NRF1: variants seen among roughly 807,000 people sequenced by gnomAD.
NRF1 encodes the protein alpha palindromic-binding protein.
A neutral mutation model predicts 58.5 loss-of-function variants in NRF1; 5 were observed. That is an observed-to-expected ratio of 0.09 (90% CI 0.04 to 0.18). The LOEUF is 0.18. Ranked by LOEUF, NRF1 falls within the 10% of genes least tolerant of loss-of-function variation. NRF1 has a pLI of 1.00. For synonymous variants in NRF1, 224 were observed against 246.7 expected (o/e 0.91, Z 0.86); for missense variants, 288 against 657.7 (o/e 0.44, Z 6.15).
At chr7:129,711,336 A>G (rs761083639) in intron 7 of NRF1, 139 bp from the exon 8 acceptor site, 15 of 589,692 alleles carry the variant, frequency 2.5e-5, no homozygotes, top group Middle Eastern at 5.5e-4. Flanking sequence ...TTAGTGAGCT[A>G]TGATTTTAGA....
chr7:129,739,003 C>T (rs974782226), intron 10 of NRF1, among the ~76,000 whole-genome samples: 2 of 152,148 alleles, frequency 1.3e-5, no homozygotes, highest in African/African-American at 4.8e-5. Context: ...TGTGGTGACT[C>T]CTTTGCAGGA....
intron 1 of NRF1, among the ~76,000 whole-genome samples, chr7:129,625,195 G>C (rs570883290): frequency 2.2e-4 from 33 of 152,204 alleles, no homozygotes; most frequent in African/African-American, 7.2e-4. Flanking sequence ...TCTCCTCTCC[G>C]TGTAATCTCT....
rs544148260 is a variant in NRF1, at chr7:129,692,997, C to T, written c.606+2451C>T. Among the ~76,000 whole-genome samples the T allele has an allele frequency of 2.0e-5, 3 of 152,298 alleles. No individual in the cohort carries two copies. In the South Asian group the frequency reaches 6.2e-4, roughly 32 times the overall value. ...CTTGTCTGTATAACACTTGTTACTA[C>T]CTGGAATTGTCTCATTTATTAACTT... On this transcript the variant is annotated intron_variant, in intron 5 of 10. Transcript: ENST00000393232.
chr7:129,738,578 G>C (rs1803775491), intron 10 of NRF1, among the ~76,000 whole-genome samples: 1 of 152,128 alleles, frequency 6.6e-6, no homozygotes. Flanking sequence ...TTGCCTTTTG[G>C]CTATACACAT....
intron 5 of NRF1, among the ~76,000 whole-genome samples, chr7:129,706,284 A>G (rs768508802): frequency 6.6e-6 from 1 of 152,186 alleles, no homozygotes; most frequent in African/African-American, 2.4e-5. Flanking sequence ...CATTGGAGCT[A>G]TGTAGGTAAC....
At position 129,690,510 on chromosome 7, in the gene NRF1, C is replaced by T. The variant is rs1404507480; in HGVS notation, c.570C>T (p.Ile190=). 4.3e-6 allele frequency: 7 copies of T among 1,614,174 alleles called. No homozygotes were observed. The highest frequency in any genetic ancestry group is 1.7e-5 in the Admixed American group (1 of 60,022). Residue 190 remains isoleucine, a synonymous_variant, in exon 5 of 11, where the codon ATC becomes ATT. Coordinates refer to ENST00000393232, the MANE Select transcript of NRF1 (RefSeq NM_005011.5). ...EVNSELPPLT[I]DGIPVSVDKM... ...ACTCAGAACTGCCGCCTCTCACCAT[C>T]GACGGAATTCCAGTCTCTGTGGACA...
intron 10 of NRF1, among the ~76,000 whole-genome samples, chr7:129,749,697 T>G (rs902496581): frequency 1.3e-5 from 2 of 152,036 alleles, no homozygotes; most frequent in African/African-American, 4.8e-5. Flanking sequence ...CTGGCCCTGG[T>G]GTTAAGTGTT....
At chr7:129,646,920 T>C (rs1801418669) in intron 1 of NRF1, among the ~76,000 whole-genome samples, 1 of 152,176 alleles carries the variant, frequency 6.6e-6, no homozygotes, top group Non-Finnish European at 1.5e-5. Flanking sequence ...GTAGCTTTAG[T>C]TATTAAAATG....
intron 10 of NRF1, among the ~76,000 whole-genome samples, chr7:129,733,465 C>CAA (rs11378403): frequency 0.28 from 40,649 of 143,280 alleles, 6,919 homozygotes; most frequent in Non-Finnish European, 0.4. Context: ...GACTCCGTCT[C>CAA]AAAAAAAAAA....
chr7:129,665,698 A>T (rs1801904353), intron 2 of NRF1, among the ~76,000 whole-genome samples: 1 of 152,064 alleles, frequency 6.6e-6, no homozygotes, highest in African/African-American at 2.4e-5. Context: ...ATCATGGCTT[A>T]CTGCAGCCTC....
intron 5 of NRF1, among the ~76,000 whole-genome samples, chr7:129,693,504 T>C (rs1278872037): frequency 6.6e-6 from 1 of 152,136 alleles, no homozygotes; most frequent in Non-Finnish European, 1.5e-5. Context: ...CCAACACAAA[T>C]TCGTAAACTT....
chr7:129,754,392 G>C (rs1481438919), intron 10 of NRF1, among the ~76,000 whole-genome samples: 1 of 143,992 alleles, frequency 6.9e-6, no homozygotes, highest in Non-Finnish European at 1.5e-5. Context: ...GAATCCAGGA[G>C]TTCGAGGTTG....
intron 1 of NRF1, among the ~76,000 whole-genome samples, chr7:129,642,862 T>G (rs1187289743): frequency 6.6e-6 from 1 of 150,480 alleles, no homozygotes; most frequent in African/African-American, 2.4e-5. Flanking sequence ...CTGGGCTCAC[T>G]CCATCCTCCC....
At chr7:129,754,949 C>T (rs953429823) in intron 10 of NRF1, 69 bp from the exon 11 acceptor site, 96 of 1,450,858 alleles carry the variant, frequency 6.6e-5, no homozygotes, top group Middle Eastern at 1.9e-4. Flanking sequence ...GACTTGGGTG[C>T]CCCCGTCCAG....
At chr7:129,619,431 T>TACACACACACACAC (rs1188708134) in intron 1 of NRF1, among the ~76,000 whole-genome samples, 11 of 71,532 alleles carry the variant, frequency 1.5e-4, no homozygotes, top group African/African-American at 6.2e-4. Context: ...TATATATATA[T>TACACACACACACAC]ATACACACAC....
chr7:129,751,992 G>A (rs970351700), intron 10 of NRF1, among the ~76,000 whole-genome samples: 3 of 152,258 alleles, frequency 2.0e-5, no homozygotes, highest in African/African-American at 7.2e-5. Context: ...CACGTTGGTT[G>A]AGGCCAGCAG....
At chr7:129,618,466 C>T (rs991201165) in intron 1 of NRF1, among the ~76,000 whole-genome samples, 3 of 152,206 alleles carry the variant, frequency 2.0e-5, no homozygotes, top group Admixed American at 1.3e-4. Context: ...GAGGCCAAGG[C>T]AGAGGATCAC....
intron 3 of NRF1, among the ~76,000 whole-genome samples, chr7:129,673,255 A>G (rs1802090994): frequency 6.6e-6 from 1 of 152,142 alleles, no homozygotes; most frequent in Non-Finnish European, 1.5e-5. Flanking sequence ...GGAGAGAGGA[A>G]TTGGAGACAG....
chr7:129,731,188 T>C (rs576528178), intron 10 of NRF1, among the ~76,000 whole-genome samples: 12 of 151,658 alleles, frequency 7.9e-5, no homozygotes, highest in African/African-American at 2.7e-4. Context: ...CGAGAATCGC[T>C]TGAACCCAGG....
Sources: allele counts gnomAD v4.1 joint callset (sites outside exome capture counted in the v4.1 genomes callset), GRCh38; gene constraint gnomAD v4.1.1; transcripts MANE v1.5; gene names NCBI Gene and HGNC (gene_info 2026-07-23, HGNC 2026-07-21).